The following ATP11B variants were observed in gnomAD, a reference collection of about 807,000 sequenced individuals.
ATP11B encodes ATPase phospholipid transporting 11B (putative).
A neutral mutation model predicts 157.8 loss-of-function variants in ATP11B; 81 were observed. The observed-to-expected ratio is 0.51, with a 90% CI of 0.43 to 0.62. The LOEUF (loss-of-function observed/expected upper bound fraction) is 0.62. Among genes scored for constraint, ATP11B ranks in the 20% least tolerant of loss-of-function variants. ATP11B has a pLI of 0.00. For synonymous variants in ATP11B, 451 were observed against 469.4 expected (o/e 0.96, Z 0.51); for missense variants, 1,165 against 1,402.2 (o/e 0.83, Z 2.70).
rs761284319 is a variant in ATP11B, at chr3:182,828,174, G to A, written c.199G>A (p.Ala67Thr). ...TTTATTTGAACAGTTCAGAAGAGTG[G>A]CAAACTTTTATTTTCTTATTATATT... Reference protein sequence around the residue: ...KNLFEQFRRVANFYFLIIFLV... With the variant: ...KNLFEQFRRVTNFYFLIIFLV... Residue 67 changes from alanine to threonine, a missense_variant, in exon 3 of 30, where the codon GCA becomes ACA. By Grantham distance (58) the Ala-to-Thr change is moderately conservative. Coordinates refer to ENST00000323116, the MANE Select transcript of ATP11B (RefSeq NM_014616.3). 1 of 1,503,392 alleles carries A rather than the reference G, an allele frequency of 6.7e-7. No homozygotes were observed. The allele number at this position is 1,503,392 out of a possible 1,614,324, so 93.1% of individuals were successfully genotyped here. A position where few individuals can be genotyped will look rare whatever the true frequency, so the allele number is the denominator to read the frequency against.
At position 182,825,654 on chromosome 3, in the gene ATP11B, C is replaced by T. The variant is rs1245956683; in HGVS notation, c.145-2466C>T. ...AGGAGAATGGCATGAACCCAGGAGG[C>T]GGAGCTTGTAGTGAACAGAGATCGA... is the stretch of plus-strand genomic sequence containing the variant. On this transcript the variant is annotated intron_variant, in intron 2 of 29. Coordinates refer to ENST00000323116, the MANE Select transcript of ATP11B (RefSeq NM_014616.3). Among the ~76,000 whole-genome samples, 10 of 147,680 alleles carry T rather than the reference C, an allele frequency of 6.8e-5. No individual in the cohort carries two copies. In the South Asian group the frequency reaches 8.5e-4, roughly 13 times the overall value.
At chr3:182,794,638 A>G (rs1262312466) in intron 1 of ATP11B, among the ~76,000 whole-genome samples, 2 of 152,180 alleles carry the variant, frequency 1.3e-5, no homozygotes, top group Admixed American at 1.3e-4. Flanking sequence ...TAAGGCCTAT[A>G]AAAAGTGCCA....
At chr3:182,822,166 C>T (rs895156723) in intron 2 of ATP11B, among the ~76,000 whole-genome samples, 4 of 151,256 alleles carry the variant, frequency 2.6e-5, no homozygotes, top group Non-Finnish European at 4.4e-5. Flanking sequence ...ATGTGCACAG[C>T]GTGCAGGTTT....
At chr3:182,908,941 G>A (rs576097498) in intron 28 of ATP11B, among the ~76,000 whole-genome samples, 6 of 152,208 alleles carry the variant, frequency 3.9e-5, no homozygotes, top group African/African-American at 1.4e-4. Context: ...GCCATGCAAG[G>A]TGCTCACTTT....
chr3:182,898,468 G>A, intron 27 of ATP11B, 139 bp from the exon 28 acceptor site: 1 of 551,040 alleles, frequency 1.8e-6, no homozygotes, highest in East Asian at 3.3e-5. Flanking sequence ...TGTTAGTTCA[G>A]TTAATTAAAT....
intron 28 of ATP11B, among the ~76,000 whole-genome samples, chr3:182,907,867 A>C (rs1724484702): frequency 1.3e-5 from 2 of 152,238 alleles, no homozygotes; most frequent in African/African-American, 4.8e-5. Flanking sequence ...TTAAATGTAC[A>C]GTACAGCTGA....
chr3:182,885,876 C>A, intron 22 of ATP11B, 75 bp from the exon 23 acceptor site: 3 of 1,017,918 alleles, frequency 2.9e-6, no homozygotes, highest in Non-Finnish European at 4.2e-6. Context: ...ACTTTAACAG[C>A]CATTTTTTTT....
chr3:182,894,343 C>T (rs182617394), intron 25 of ATP11B, among the ~76,000 whole-genome samples: 2 of 152,316 alleles, frequency 1.3e-5, no homozygotes, highest in Admixed American at 1.3e-4. Context: ...TGGGCCACCA[C>T]GCCAGGCTAA....
At position 182,873,858 on chromosome 3, in the gene ATP11B, G is replaced by C; in HGVS notation, c.2095G>C (p.Gly699Arg). 1 of 1,614,096 alleles carries C rather than the reference G, an allele frequency of 6.2e-7. No individual in the cohort carries two copies. Among genetic ancestry groups the C allele is most frequent in the Non-Finnish European group, 8.5e-7 (1 of 1,179,996 alleles). The change falls in exon 19 of 30, where the codon GGT becomes CGT. Residue 699 changes from glycine to arginine, a missense_variant. Transcript: ENST00000323116. The part of the protein sequence containing the change: ...RETIEALRMA[G>R]IKVWVLTGDK... ...AACTATTGAAGCATTGAGAATGGCT[G>C]GTATCAAAGTATGGGTACTTACTGG...
chr3:182,867,931 A>G (rs1174846365), intron 15 of ATP11B, among the ~76,000 whole-genome samples: 1 of 152,198 alleles, frequency 6.6e-6, no homozygotes, highest in Non-Finnish European at 1.5e-5. Flanking sequence ...GAGACCATGT[A>G]TGGCCTGCAA....
chr3:182,818,299 CTA>C (rs1225260474), intron 1 of ATP11B, among the ~76,000 whole-genome samples: 1 of 152,198 alleles, frequency 6.6e-6, no homozygotes, highest in Non-Finnish European at 1.5e-5. Flanking sequence ...AGCCTTGAAA[CTA>C]TTTGTTCATT....
chr3:182,894,813 C>T (rs544166718), intron 25 of ATP11B, among the ~76,000 whole-genome samples: 8 of 151,952 alleles, frequency 5.3e-5, no homozygotes, highest in Admixed American at 1.3e-4. Flanking sequence ...CCCAGGTCCC[C>T]GGTTGCATCA....
chr3:182,807,091 G>T (rs1716371485), intron 1 of ATP11B, among the ~76,000 whole-genome samples: 1 of 152,098 alleles, frequency 6.6e-6, no homozygotes, highest in Non-Finnish European at 1.5e-5. Flanking sequence ...AAAGGGAACA[G>T]TTCAAAATGT....
intron 24 of ATP11B, 47 bp from the exon 25 acceptor site, chr3:182,889,363 A>T: frequency 7.4e-7 from 1 of 1,349,334 alleles, no homozygotes; most frequent in Non-Finnish European, 1.0e-6. Flanking sequence ...TAGTGGGCAA[A>T]TAATAAATGA....
chr3:182,842,252 G>T, intron 8 of ATP11B, 130 bp downstream of exon 8: 2 of 673,086 alleles, frequency 3.0e-6, no homozygotes, highest in Non-Finnish European at 2.6e-6. Context: ...GTTGTGTTTT[G>T]TTTGTTTTGT....
At chr3:182,867,662 C>T (rs1225684139) in intron 15 of ATP11B, among the ~76,000 whole-genome samples, 1 of 145,018 alleles carries the variant, frequency 6.9e-6, no homozygotes, top group African/African-American at 2.5e-5. Flanking sequence ...TGGCTCACTG[C>T]AGCCTCCACC....
At chr3:182,908,612 G>A (rs946227375) in intron 28 of ATP11B, 5 of 152,166 alleles carry the variant, frequency 3.3e-5, no homozygotes, top group Admixed American at 6.5e-5. Flanking sequence ...TTAGAGGGAA[G>A]GAGAGAGGAA....
intron 18 of ATP11B, 85 bp from the exon 19 acceptor site, chr3:182,873,727 T>C (rs1721831949): frequency 3.5e-6 from 4 of 1,129,544 alleles, no homozygotes; most frequent in Non-Finnish European, 5.1e-6. Context: ...GAGTTTAGAA[T>C]TATCCTTAAA....
chr3:182,828,485 A>G (rs1050653192), intron 3 of ATP11B, among the ~76,000 whole-genome samples: 5 of 152,042 alleles, frequency 3.3e-5, no homozygotes, highest in East Asian at 1.9e-4. Context: ...GTAACCTAAT[A>G]TCTTTCAGAT....
Sources: gnomAD v4.1 joint callset for allele counts (sites outside exome capture counted in the v4.1 genomes callset) on GRCh38, gnomAD v4.1.1 for gene constraint, MANE v1.5 for transcripts, NCBI Gene and HGNC (gene_info 2026-07-23, HGNC 2026-07-21) for gene names.